DIS3L2: variants seen among roughly 807,000 people sequenced by gnomAD.
DIS3L2 encodes the protein DIS3 like 3'-5' exoribonuclease 2, also known as DIS3-like exonuclease 2.
DIS3L2 carries 34 observed loss-of-function variants against 97.5 expected under a neutral mutation model. The observed-to-expected ratio is 0.35, with a 90% CI of 0.27 to 0.46. The LOEUF (loss-of-function observed/expected upper bound fraction) is 0.46. DIS3L2 is among the 20% of genes least tolerant of loss of function. The probability of loss-of-function intolerance (pLI) is 1.00; values close to 1 mark genes in which losing one functional copy is unlikely to be tolerated. For synonymous variants in DIS3L2, 435 were observed against 445.2 expected (o/e 0.98, Z 0.29); for missense variants, 1,038 against 1,146.0 (o/e 0.91, Z 1.36).
Position 232,153,850 on chromosome 2 carries a change from T to C in DIS3L2, c.951-9609T>C, listed in dbSNP as rs201681238. ...CTTTCAGAGTGACACCAATGAGACG[T>C]AGATTTGGTCTTTTCACATAGTCCC... On this transcript the variant is annotated intron_variant, in intron 8 of 20. Coordinates refer to ENST00000325385, the MANE Select transcript of DIS3L2 (RefSeq NM_152383.5). Among the ~76,000 whole-genome samples, 5 of 151,720 alleles carry C rather than the reference T, an allele frequency of 3.3e-5. No individual in the cohort carries two copies. The East Asian group carries it at 6.0e-4, about 18-fold the overall frequency.
intron 6 of DIS3L2, among the ~76,000 whole-genome samples, chr2:232,101,810 A>G (rs1435771857): frequency 6.6e-6 from 1 of 152,242 alleles, no homozygotes; most frequent in Non-Finnish European, 1.5e-5. Context: ...CCCCTAATAA[A>G]TAGCAATATA....
At chr2:232,091,830 A>G (rs536370895) in intron 6 of DIS3L2, among the ~76,000 whole-genome samples, 2 of 152,304 alleles carry the variant, frequency 1.3e-5, no homozygotes, top group African/African-American at 4.8e-5. Flanking sequence ...TATCTTTTAA[A>G]TAAAAGCCAT....
intron 7 of DIS3L2, 144 bp from the exon 8 acceptor site, chr2:232,136,328 C>A: frequency 1.0e-6 from 1 of 980,808 alleles, no homozygotes; most frequent in Non-Finnish European, 1.5e-6. Context: ...TACTAAGTCA[C>A]AGATCATCAC....
intron 6 of DIS3L2, among the ~76,000 whole-genome samples, chr2:232,101,411 C>G (rs1697201798): frequency 6.6e-6 from 1 of 151,930 alleles, no homozygotes; most frequent in South Asian, 2.1e-4. Context: ...TTTTTGTATA[C>G]ATGCATATCC....
Position 232,014,995 on chromosome 2 carries a change from T to G in DIS3L2, c.52+16T>G. ...ACCCCCAGAGGTAGTAAAAGGAAAA[T>G]GGAGTCTGCCTGAATAACTGGAGAA... is the stretch of plus-strand genomic sequence containing the variant. On this transcript the variant is annotated intron_variant, in intron 2 of 20. Coordinates refer to ENST00000325385, the MANE Select transcript of DIS3L2 (RefSeq NM_152383.5). 6.2e-7 allele frequency: 1 copy of G among 1,613,440 alleles called. No homozygotes were observed. Among genetic ancestry groups the G allele is most frequent in the East Asian group, 2.2e-5 (1 of 44,864 alleles).
At chr2:232,216,728 G>A (rs1354956614) in intron 10 of DIS3L2, among the ~76,000 whole-genome samples, 3 of 152,150 alleles carry the variant, frequency 2.0e-5, no homozygotes, top group Non-Finnish European at 2.9e-5. Flanking sequence ...GAAAACACAG[G>A]CATGAGAAGA....
chr2:232,323,278 G>T (rs2106341373), intron 14 of DIS3L2, among the ~76,000 whole-genome samples: 1 of 152,356 alleles, frequency 6.6e-6, no homozygotes, highest in African/African-American at 2.4e-5. Flanking sequence ...CGAACTTGGG[G>T]AGCGAATGAG....
chr2:232,160,806 T>C (rs1240389875), intron 8 of DIS3L2, among the ~76,000 whole-genome samples: 1 of 152,186 alleles, frequency 6.6e-6, no homozygotes, highest in East Asian at 1.9e-4. Flanking sequence ...CAGTGGGCCA[T>C]GATTGTGCCA....
intron 3 of DIS3L2, among the ~76,000 whole-genome samples, chr2:232,021,004 G>A (rs191265779): frequency 6.6e-6 from 1 of 152,276 alleles, no homozygotes; most frequent in African/African-American, 2.4e-5. Context: ...CTGGAAATAT[G>A]TATTTTATAT....
intron 11 of DIS3L2, among the ~76,000 whole-genome samples, chr2:232,244,182 C>T (rs945076064): frequency 1.3e-5 from 2 of 152,286 alleles, no homozygotes; most frequent in East Asian, 3.9e-4. Flanking sequence ...GAGGAAAAGA[C>T]TCATTTGAGA....
At chr2:232,171,790 G>A (rs527632708) in intron 9 of DIS3L2, among the ~76,000 whole-genome samples, 4 of 152,136 alleles carry the variant, frequency 2.6e-5, no homozygotes, top group Non-Finnish European at 5.9e-5. Flanking sequence ...TACACAACTG[G>A]ACCTTCTTAA....
At position 232,219,420 on chromosome 2, in the gene DIS3L2, C is replaced by T. The variant is rs556299514; in HGVS notation, c.1204+9015C>T. Among the ~76,000 whole-genome samples, 9 of 152,276 alleles carry T rather than the reference C, an allele frequency of 5.9e-5. No homozygotes were observed. The South Asian group carries it at 1.9e-3, about 32-fold the overall frequency. On this transcript the variant is annotated intron_variant, in intron 10 of 20. Coordinates refer to ENST00000325385, the MANE Select transcript of DIS3L2 (RefSeq NM_152383.5). ...GTTTCACTCCTTTTTCTGGTTCTTG[C>T]CTTGCCCCTTTATTTCCATGTACTT...
intron 8 of DIS3L2, among the ~76,000 whole-genome samples, chr2:232,161,780 T>G (rs1574917340): frequency 8.9e-6 from 1 of 111,870 alleles, no homozygotes; most frequent in Non-Finnish European, 2.1e-5. Flanking sequence ...CCCAGTTCAA[T>G]TTTTTTTTTT....
chr2:232,009,879 G>A (rs1281551509), intron 1 of DIS3L2, among the ~76,000 whole-genome samples: 3 of 152,196 alleles, frequency 2.0e-5, no homozygotes, highest in Admixed American at 2.0e-4. Context: ...CAAGTTAGCT[G>A]TAATATTGGC....
chr2:232,003,375 A>G (rs1331372943), intron 1 of DIS3L2, among the ~76,000 whole-genome samples: 1 of 152,210 alleles, frequency 6.6e-6, no homozygotes, highest in Non-Finnish European at 1.5e-5. Context: ...ATAAGAAAAA[A>G]TACAGGAAAT....
intron 5 of DIS3L2, among the ~76,000 whole-genome samples, chr2:232,065,359 TGGTCTA>T (rs1695825520): frequency 6.6e-6 from 1 of 152,070 alleles, no homozygotes; most frequent in South Asian, 2.1e-4. Context: ...TTTCACTTTT[TGGTCTA>T]TTGTCCATTT....
chr2:232,046,390 A>G (rs1432136849), intron 5 of DIS3L2, among the ~76,000 whole-genome samples: 1 of 152,234 alleles, frequency 6.6e-6, no homozygotes, highest in East Asian at 1.9e-4. Flanking sequence ...TTGCATTTTA[A>G]TGAGATCCCT....
chr2:232,136,498 T>C lies in DIS3L2; in HGVS notation c.729T>C (p.His243=), dbSNP rs371095624. 13 of 1,614,008 alleles carry C rather than the reference T, an allele frequency of 8.1e-6. No homozygotes were observed. The African/African-American group carries it at 1.7e-4, about 22-fold the overall frequency. ...TGGTTTACATCTTGGAGAAAAAACATTCTCGAGCAGCAACCGGCTTCCTCA... is the reference window on the plus strand; with the variant it reads ...TGGTTTACATCTTGGAGAAAAAACACTCTCGAGCAGCAACCGGCTTCCTCA... ...AKVVYILEKK[H]SRAATGFLKL... Residue 243 remains histidine, a synonymous_variant, in exon 8 of 21, where the codon CAT becomes CAC. Transcript: ENST00000325385.
At chr2:231,962,496 C>T (rs1692593714) in intron 1 of DIS3L2, among the ~76,000 whole-genome samples, 2 of 146,372 alleles carry the variant, frequency 1.4e-5, no homozygotes, top group African/African-American at 5.2e-5. Context: ...AGTGCAGTGG[C>T]GCGATTCGGC....
Sources: allele counts gnomAD v4.1 joint callset (sites outside exome capture counted in the v4.1 genomes callset), GRCh38; gene constraint gnomAD v4.1.1; transcripts MANE v1.5; gene names NCBI Gene and HGNC (gene_info 2026-07-23, HGNC 2026-07-21).